The following NLRC5 variants were observed in gnomAD, a reference collection of about 807,000 sequenced individuals.
NLRC5 encodes the protein NLR family CARD domain containing 5.
NLRC5 carries 114 observed loss-of-function variants against 206.9 expected under a neutral mutation model. That is an observed-to-expected ratio of 0.55 (90% CI 0.47 to 0.64). The LOEUF (loss-of-function observed/expected upper bound fraction) is 0.64. Among genes scored for constraint, NLRC5 ranks in the 30% least tolerant of loss-of-function variants. The pLI, the probability that NLRC5 is intolerant of heterozygous loss-of-function variation, is 0.00. For synonymous variants in NLRC5, 952 were observed against 962.8 expected, an observed-to-expected ratio of 0.99 and a Z score of 0.21; for missense variants, 2,008 against 2,305.5, an observed-to-expected ratio of 0.87 and a Z score of 2.64.
intron 15 of NLRC5, among the ~76,000 whole-genome samples, chr16:57,038,383 A>G (rs1443160023): frequency 6.6e-6 from 1 of 152,086 alleles, no homozygotes; most frequent in Non-Finnish European, 1.5e-5. Context: ...TTAGTCTCCC[A>G]AAGTGCTGGG....
At position 57,067,761 on chromosome 16, in the gene NLRC5, G is replaced by A. The variant is rs1342520112; in HGVS notation, c.4432G>A (p.Asp1478Asn). ...CTTGTCTCAGGTTAACCTCTGTGAG[G>A]ACGATGATGCCAGTTCCCTGCTGCT... ...LSLSQVNLCE[D>N]DDASSLLLQS... The change falls in exon 36 of 49, where the codon GAC becomes AAC. Residue 1478 changes from aspartate (D) to asparagine (N), a missense_variant. Coordinates refer to ENST00000688547, the MANE Select transcript of NLRC5 (RefSeq NM_001384950.1). 7 of 1,614,198 alleles carry A rather than the reference G, an allele frequency of 4.3e-6. No individual in the cohort carries two copies. The South Asian group carries it at 7.7e-5, about 18-fold the overall frequency.
chr16:57,018,553 G>C lies in NLRC5; in HGVS notation c.-13+1365G>C, dbSNP rs368894381. 5.0e-4 allele frequency among the ~76,000 whole-genome samples: 76 copies of C among 152,300 alleles called. 1 individual carries two copies. The highest frequency in any genetic ancestry group is 1.8e-3 in the African/African-American group (73 of 41,564). ...TTGAGGAGAAATGACCAGTGGGGCT[G>C]ACAGTACATCCAAGTATGTCTCTAC... On this transcript the variant is annotated intron_variant, in intron 2 of 48. Coordinates refer to ENST00000688547, the MANE Select transcript of NLRC5 (RefSeq NM_001384950.1).
chr16:57,076,930 C>A (rs777942855), intron 40 of NLRC5, 28 bp downstream of exon 40: 2 of 1,607,208 alleles, frequency 1.2e-6, no homozygotes, highest in Admixed American at 3.3e-5. Context: ...CCCCCAGACC[C>A]AGGACAATTT....
intron 28 of NLRC5, 165 bp downstream of exon 28, chr16:57,058,313 G>A: frequency 1.6e-6 from 1 of 615,808 alleles, no homozygotes. Context: ...CTGGCCTTGG[G>A]TCCTTTCCTC....
At chr16:57,006,922 C>T (rs1040850754) in intron 1 of NLRC5, among the ~76,000 whole-genome samples, 1 of 35,952 alleles carries the variant, frequency 2.8e-5, no homozygotes, top group East Asian at 7.5e-4. Context: ...TATTATTTCA[C>T]ATTATTTAGG....
Position 57,034,263 on chromosome 16 carries a change from G to C in NLRC5, c.2627+12G>C, listed in dbSNP as rs371843575. On this transcript the variant is annotated intron_variant, in intron 13 of 48. Transcript: ENST00000688547. ...CTGGAGGAAGTGGAGTGAGTATCAC[G>C]GGAAGCCCTGGCGTAGGAGCCAGGA... The C allele has an allele frequency of 8.1e-6, 13 of 1,611,686 alleles. No homozygotes were observed. In the East Asian group the frequency reaches 2.5e-4, roughly 30 times the overall value.
chr16:57,010,494 C>G (rs948505301), intron 1 of NLRC5, among the ~76,000 whole-genome samples: 1 of 152,190 alleles, frequency 6.6e-6, no homozygotes, highest in Non-Finnish European at 1.5e-5. Flanking sequence ...CTGCCACAGC[C>G]TCCCGATTAG....
intron 46 of NLRC5, among the ~76,000 whole-genome samples, chr16:57,080,636 C>G (rs879575873): frequency 4.6e-5 from 7 of 152,018 alleles, no homozygotes; most frequent in Admixed American, 1.3e-4. Context: ...AAGTGCCCAC[C>G]ACCACACCCA....
intron 23 of NLRC5, among the ~76,000 whole-genome samples, chr16:57,050,078 G>A (rs1277544436): frequency 6.7e-6 from 1 of 149,406 alleles, no homozygotes; most frequent in African/African-American, 2.5e-5. Context: ...CATGTGGGAT[G>A]TGGTAAAGAG....
rs144012212 is a variant in NLRC5 at position 57,060,640 on chromosome 16, A to AAC, written c.3987-790_3987-789dup. On this transcript the variant is annotated intron_variant, in intron 30 of 48. Transcript: ENST00000688547. ...TAATACCTACAAATACCACATACAC[A>AAC]ACACACACACACACACACAGTTCAG... 1.5e-3 allele frequency among the ~76,000 whole-genome samples: 225 copies of AAC among 149,956 alleles called. 1 individual carries two copies. Among genetic ancestry groups the AAC allele is most frequent in the South Asian group, 9.6e-3 (46 of 4,774 alleles).
At chr16:57,016,173 C>G (rs1488017559) in intron 1 of NLRC5, among the ~76,000 whole-genome samples, 1 of 151,960 alleles carries the variant, frequency 6.6e-6, no homozygotes, top group Non-Finnish European at 1.5e-5. Flanking sequence ...TGAGAACATG[C>G]CATTGCACTC....
chr16:57,077,676 A>G, intron 41 of NLRC5, 43 bp from the exon 42 acceptor site: 1 of 1,523,072 alleles, frequency 6.6e-7, no homozygotes, highest in Non-Finnish European at 8.8e-7. Context: ...GGTGTCGGGG[A>G]GAGGGGGCAT....
chr16:57,026,928 A>G lies in NLRC5; in HGVS notation c.1985A>G (p.Glu662Gly), dbSNP rs1261717002. The G allele has an allele frequency of 6.2e-7, 1 of 1,614,124 alleles. No individual in the cohort carries two copies. Among genetic ancestry groups the G allele is most frequent in the Non-Finnish European group, 8.5e-7 (1 of 1,180,016 alleles). The change falls in exon 6 of 49, where the codon GAG becomes GGG. Residue 662 changes from glutamate to glycine, a missense_variant. By Grantham distance (98) the Glu-to-Gly change is moderately conservative (BLOSUM62 -2). Transcript: ENST00000688547. ...ATLTNILEHR[E>G]APIHLDFDGC... Reference sequence around the variant, plus strand: ...CTGACCAACATCCTAGAGCACAGGGAGGCCCCCATCCACCTGGATTTTGAT... The same window carrying G: ...CTGACCAACATCCTAGAGCACAGGGGGGCCCCCATCCACCTGGATTTTGAT...
intron 4 of NLRC5, 152 bp from the exon 5 acceptor site, chr16:57,023,633 T>TG: frequency 1.7e-6 from 1 of 594,872 alleles, no homozygotes; most frequent in Non-Finnish European, 3.0e-6. Flanking sequence ...TGACCCAGCC[T>TG]CTGCCTGCTG....
At position 57,025,515 on chromosome 16, in the gene NLRC5, C is replaced by A. The variant is rs74439742; in HGVS notation, c.572C>A (p.Pro191Gln). Residue 191 changes from proline (P) to glutamine (Q), a missense_variant, in exon 6 of 49, where the codon CCG becomes CAG. Physicochemically the swap from Pro to Gln is moderately conservative, Grantham distance 76. Coordinates refer to ENST00000688547, the MANE Select transcript of NLRC5 (RefSeq NM_001384950.1). ...LRRATASLDT[P>Q]EGAIMGDVKV... ...CGGGCCACAGCATCCTTAGACACTC[C>A]GGAGGGGGCCATTATGGGGGACGTC... 2 of 1,613,406 alleles carry A rather than the reference C, an allele frequency of 1.2e-6. No homozygotes were observed. The highest frequency in any genetic ancestry group is 1.7e-6 in the Non-Finnish European group (2 of 1,179,670).
intron 32 of NLRC5, 110 bp from the exon 33 acceptor site, chr16:57,065,101 CA>C: frequency 1.8e-6 from 1 of 567,634 alleles, no homozygotes; most frequent in Non-Finnish European, 2.7e-6. Flanking sequence ...AAAAAAAACT[CA>C]AAAAGCCTCT....
chr16:57,081,448 G>A (rs2069132720), intron 47 of NLRC5, 79 bp from the exon 48 acceptor site: 1 of 1,383,182 alleles, frequency 7.2e-7, no homozygotes, highest in Non-Finnish European at 1.0e-6. Flanking sequence ...CTTGGCCTGA[G>A]GAAGGGACCT....
intron 19 of NLRC5, 114 bp from the exon 20 acceptor site, chr16:57,043,401 A>G: frequency 1.2e-6 from 1 of 828,084 alleles, no homozygotes; most frequent in Non-Finnish European, 2.2e-6. Flanking sequence ...TCTTGGGTTC[A>G]GTGGGTTCCG....
In NLRC5 at chr16:57,047,573, A is replaced by G. The variant is rs2064167805; in HGVS notation, c.3367A>G (p.Ser1123Gly). 6.2e-7 allele frequency: 1 copy of G among 1,612,232 alleles called. No individual in the cohort carries two copies. The highest frequency in any genetic ancestry group is 1.3e-5 in the African/African-American group (1 of 74,790). The stretch of plus-strand genomic sequence containing the variant: ...CAGTGAGTGTCCTCTGGAGCCCCCA[A>G]GCCTCACCCGCCTCTGTGCCACTCT... ...CLSECPLEPP[S>G]LTRLCATLKD... Residue 1123 changes from serine to glycine, a missense_variant, in exon 23 of 49, where the codon AGC (serine) becomes GGC (glycine). Transcript: ENST00000688547.
Sources: allele counts gnomAD v4.1 joint callset (sites outside exome capture counted in the v4.1 genomes callset), GRCh38; gene constraint gnomAD v4.1.1; transcripts MANE v1.5; gene names NCBI Gene and HGNC (gene_info 2026-07-23, HGNC 2026-07-21).